DGKD: variants seen among roughly 807,000 people sequenced by gnomAD.
The protein encoded by DGKD is diacylglycerol kinase delta.
Under a neutral mutation model 154.4 loss-of-function variants are expected in DGKD, and 68 were observed. That is an observed-to-expected ratio of 0.44 (90% CI 0.36 to 0.54). The LOEUF (loss-of-function observed/expected upper bound fraction) is 0.54, where lower values mean the gene tolerates loss of function less well. Ranked by LOEUF, DGKD falls within the 20% of genes least tolerant of loss-of-function variation. DGKD has a pLI of 0.00. For synonymous variants in DGKD, 693 were observed against 638.0 expected (o/e 1.09, Z -1.30); for missense variants, 1,343 against 1,593.6 (o/e 0.84, Z 2.68).
At chr2:233,365,848 A>G (rs530367371) in intron 1 of DGKD, among the ~76,000 whole-genome samples, 2 of 152,392 alleles carry the variant, frequency 1.3e-5, no homozygotes, top group Non-Finnish European at 2.9e-5. Context: ...ATATGTATAT[A>G]TAAAATGGGG....
chr2:233,358,825 C>CT (rs1432669084), intron 1 of DGKD, among the ~76,000 whole-genome samples: 1 of 152,152 alleles, frequency 6.6e-6, no homozygotes, highest in Non-Finnish European at 1.5e-5. Context: ...GTTATTTCTA[C>CT]TTTTTGGCTA....
chr2:233,371,055 C>G (rs1234143807), intron 1 of DGKD, among the ~76,000 whole-genome samples: 1 of 152,032 alleles, frequency 6.6e-6, no homozygotes, highest in Non-Finnish European at 1.5e-5. Context: ...CCCAGCTGAC[C>G]TGTTTTCATT....
At chr2:233,465,559 C>T (rs2063798730) in intron 27 of DGKD, among the ~76,000 whole-genome samples, 1 of 152,072 alleles carries the variant, frequency 6.6e-6, no homozygotes, top group Non-Finnish European at 1.5e-5. Context: ...CAAGACCAGG[C>T]TCGGCAACAT....
At chr2:233,462,272 C>G in intron 24 of DGKD, 76 bp from the exon 25 acceptor site, 2 of 1,209,218 alleles carry the variant, frequency 1.7e-6, no homozygotes, top group Non-Finnish European at 2.4e-6. Context: ...GTACCTGGGC[C>G]GTGTTCAGAT....
intron 3 of DGKD, among the ~76,000 whole-genome samples, chr2:233,423,722 C>G (rs1186454131): frequency 1.3e-5 from 2 of 152,070 alleles, no homozygotes; most frequent in Non-Finnish European, 2.9e-5. Flanking sequence ...GTGGGTGTTA[C>G]TGCCGTTGTC....
At chr2:233,456,685 G>A (rs1317204876) in intron 19 of DGKD, among the ~76,000 whole-genome samples, 2 of 152,120 alleles carry the variant, frequency 1.3e-5, no homozygotes, top group Non-Finnish European at 1.5e-5. Context: ...TTGGCAAAAT[G>A]TTACTATTGA....
chr2:233,442,247 T>A (rs774377927), intron 10 of DGKD: 1 of 616,164 alleles, frequency 1.6e-6, no homozygotes, highest in South Asian at 1.5e-5. Context: ...ACGAAAAGAA[T>A]TGCCCACAAA....
At chr2:233,464,115 C>A in intron 26 of DGKD, 49 bp from the exon 27 acceptor site, 2 of 1,611,772 alleles carry the variant, frequency 1.2e-6, no homozygotes, top group Non-Finnish European at 1.7e-6. Flanking sequence ...TCGCGCTGAT[C>A]AGCAGTGCAC....
In DGKD at chr2:233,354,877, G is replaced by GC. The variant is rs1203768643; in HGVS notation, c.156+204dup. On this transcript the variant is annotated intron_variant, in intron 1 of 29. Transcript: ENST00000264057. The surrounding 1 kb of genome is among the most constrained non-coding windows in gnomAD (Gnocchi z 4.8). The stretch of plus-strand genomic sequence containing the variant: ...CGGAGCGCGCGGCCCCCGACGGACG[G>GC]CGGGCGGCTGTGGGGCCGGGCGGGG... Among the ~76,000 whole-genome samples the GC allele has an allele frequency of 6.9e-6, 1 of 145,232 alleles. No homozygotes were observed. Among genetic ancestry groups the GC allele is most frequent in the African/African-American group, 2.5e-5 (1 of 40,514 alleles).
chr2:233,442,559 A>C, intron 10 of DGKD: 2 of 186,798 alleles, frequency 1.1e-5, no homozygotes, highest in East Asian at 2.3e-4. Context: ...TGCACAGTGC[A>C]CTTGTAATTT....
rs946638114 is a variant in DGKD, at chr2:233,461,680, C to A, written c.2982-668C>A. Among the ~76,000 whole-genome samples, 7 of 152,398 alleles carry A rather than the reference C, an allele frequency of 4.6e-5. No individual in the cohort carries two copies. In the South Asian group the frequency reaches 1.4e-3, roughly 32 times the overall value. ...TCAAAGCCCATGGTGGCCCCTCTGG[C>A]CTGCCTGGAAGGTGCACTTGCACAG... On this transcript the variant is annotated intron_variant, in intron 24 of 29. Transcript: ENST00000264057.
intron 3 of DGKD, among the ~76,000 whole-genome samples, chr2:233,392,640 T>C (rs1025025307): frequency 1.3e-5 from 2 of 152,252 alleles, no homozygotes; most frequent in African/African-American, 4.8e-5. Flanking sequence ...TATGTAGCTT[T>C]GGGATTGGTT....
At chr2:233,446,858 AGC>A in intron 12 of DGKD, 62 bp downstream of exon 12, 1 of 1,585,604 alleles carries the variant, frequency 6.3e-7, no homozygotes, top group Non-Finnish European at 8.6e-7. Flanking sequence ...CTGTCCTGTC[AGC>A]GGTTTGCATC....
At chr2:233,432,978 G>A (rs747741509) in intron 3 of DGKD, among the ~76,000 whole-genome samples, 1 of 152,194 alleles carries the variant, frequency 6.6e-6, no homozygotes, top group South Asian at 2.1e-4. Flanking sequence ...AAAGGGAACC[G>A]TACACTGCTG....
rs151293859 is a variant in DGKD, at chr2:233,435,978, C to T, written c.693+54C>T. The T allele has an allele frequency of 2.8e-3, 4,179 of 1,502,584 alleles. 7 individuals are homozygous for T. Among genetic ancestry groups the T allele is most frequent in the Non-Finnish European group, 3.5e-3 (3,843 of 1,108,224 alleles). The allele number at this position is 1,502,584 out of a possible 1,614,324, so 93.1% of individuals were successfully genotyped here. A position where few individuals can be genotyped will look rare whatever the true frequency, so the allele number is the denominator to read the frequency against. ...CCTGAGCCAGGGTCCCCCACCTGCA[C>T]GGCCCCATGCAAGCCTCCTCCCTGC... On this transcript the variant is annotated intron_variant, in intron 6 of 29. Coordinates refer to ENST00000264057, the MANE Select transcript of DGKD (RefSeq NM_152879.3).
chr2:233,371,168 C>T (rs1254307461), intron 1 of DGKD, among the ~76,000 whole-genome samples: 1 of 152,142 alleles, frequency 6.6e-6, no homozygotes, highest in East Asian at 1.9e-4. Flanking sequence ...ATGTTCCCTC[C>T]AGCAGTGCAT....
At chr2:233,454,528 G>A (rs761161813) in intron 18 of DGKD, 1 of 513,368 alleles carries the variant, frequency 1.9e-6, no homozygotes, top group African/African-American at 2.0e-5. Context: ...GGGATGAAAT[G>A]CTCTAAAATC....
At chr2:233,468,637 C>T (rs2063903207) in intron 29 of DGKD, 84 bp downstream of exon 29, 2 of 1,573,146 alleles carry the variant, frequency 1.3e-6, no homozygotes, top group Non-Finnish European at 1.7e-6. Flanking sequence ...CCGACCTGGC[C>T]ATGTCCCAGC....
intron 18 of DGKD, among the ~76,000 whole-genome samples, chr2:233,453,963 G>A (rs1293522262): frequency 6.6e-6 from 1 of 152,244 alleles, no homozygotes; most frequent in African/African-American, 2.4e-5. Context: ...GGATGTTTGA[G>A]AAATGTTTTG....
Sources: allele counts gnomAD v4.1 joint callset (sites outside exome capture counted in the v4.1 genomes callset), GRCh38; gene constraint gnomAD v4.1.1; non-coding constraint Gnocchi (gnomAD v3.1); transcripts MANE v1.5; gene names NCBI Gene and HGNC (gene_info 2026-07-23, HGNC 2026-07-21).